Variants in NFIL3 observed in about 807,000 individuals in gnomAD.
The protein encoded by NFIL3 is nuclear factor, interleukin 3 regulated, also known as nuclear factor interleukin-3-regulated protein.
Under a neutral mutation model 10.0 loss-of-function variants are expected in NFIL3, and 5 were observed. That is an observed-to-expected ratio of 0.50 (90% CI 0.26 to 1.06). NFIL3 has a LOEUF of 1.06. Among genes scored for constraint, NFIL3 ranks in the 50% least tolerant of loss-of-function variants. NFIL3 has a pLI of 0.13. For synonymous variants in NFIL3, 202 were observed against 206.5 expected, an observed-to-expected ratio of 0.98 and a Z score of 0.19; for missense variants, 436 against 547.6, an observed-to-expected ratio of 0.80 and a Z score of 2.03.
intron 1 of NFIL3, among the ~76,000 whole-genome samples, chr9:91,416,784 A>T (rs1048428334): frequency 5.3e-5 from 8 of 152,260 alleles, no homozygotes; most frequent in Non-Finnish European, 8.8e-5. Context: ...AGCAAGAATT[A>T]TATTTCATAA....
At chr9:91,481,466 T>C in the NFIL3 span, among the ~76,000 whole-genome samples, 3 of 152,186 alleles carry the variant, frequency 2.0e-5, no homozygotes, top group Non-Finnish European at 4.4e-5. Context: ...TAGTATTGTA[T>C]ACAATCATAG....
the NFIL3 span, among the ~76,000 whole-genome samples, chr9:91,480,939 G>A: frequency 6.6e-6 from 1 of 152,164 alleles, no homozygotes; most frequent in Non-Finnish European, 1.5e-5. Flanking sequence ...AGCTGACAGC[G>A]GAGCAGGGAA....
intron 1 of NFIL3, among the ~76,000 whole-genome samples, chr9:91,418,062 C>G (rs1833690901): frequency 6.6e-6 from 1 of 152,058 alleles, no homozygotes; most frequent in Admixed American, 6.6e-5. Flanking sequence ...AATAGTATAA[C>G]TTAACATTCT....
At chr9:91,446,103 C>T in the NFIL3 span, among the ~76,000 whole-genome samples, 4 of 152,238 alleles carry the variant, frequency 2.6e-5, no homozygotes, top group South Asian at 6.2e-4. Flanking sequence ...GGGGAGCTCC[C>T]TTAACTAGGA....
intron 1 of NFIL3, among the ~76,000 whole-genome samples, chr9:91,420,575 A>C (rs1010557981): frequency 6.6e-5 from 10 of 152,136 alleles, no homozygotes. Context: ...CGCTCTTAGG[A>C]TCTGTACCTC....
chr9:91,479,133 C>A, the NFIL3 span, among the ~76,000 whole-genome samples: 1 of 152,230 alleles, frequency 6.6e-6, no homozygotes, highest in Admixed American at 6.5e-5. Context: ...CAGGGGCCCA[C>A]TTGAGGAGGC....
the NFIL3 span, among the ~76,000 whole-genome samples, chr9:91,435,664 A>T: frequency 9.8e-5 from 15 of 152,310 alleles, 1 homozygote; most frequent in African/African-American, 3.4e-4. Context: ...AGTGAGGACT[A>T]TGATTTTGCC....
At chr9:91,433,680 A>G in the NFIL3 span, among the ~76,000 whole-genome samples, 1 of 148,278 alleles carries the variant, frequency 6.7e-6, no homozygotes, top group Non-Finnish European at 1.5e-5. Flanking sequence ...AACATGAGAA[A>G]CACAAACCTC....
intron 1 of NFIL3, among the ~76,000 whole-genome samples, chr9:91,412,840 G>A (rs548759319): frequency 1.6e-4 from 24 of 145,542 alleles, no homozygotes; most frequent in South Asian, 6.5e-4. Context: ...GGACAAGAGC[G>A]AGACTTCGTC....
chr9:91,473,747 C>A, the NFIL3 span, among the ~76,000 whole-genome samples: 3 of 152,210 alleles, frequency 2.0e-5, no homozygotes, highest in Admixed American at 6.5e-5. Flanking sequence ...TGAGATGAAC[C>A]AGGTACCTCA....
At position 91,410,228 on chromosome 9, in the gene NFIL3, C is replaced by CGAG; in HGVS notation, c.504_506dup (p.Ser169dup). ...CAGAAATACAACTACTTGACACCAT[C>CGAG]GAGGGTTCGTGCTCGTCCACAAATG... On this transcript the variant is annotated inframe_insertion, in exon 2 of 2. Transcript: ENST00000297689. The surrounding 1 kb of genome is among the most constrained non-coding windows in gnomAD (Gnocchi z 5.7). 1 of 1,614,042 alleles carries CGAG rather than the reference C, an allele frequency of 6.2e-7. No individual in the cohort carries two copies. Among genetic ancestry groups the CGAG allele is most frequent in the Non-Finnish European group, 8.5e-7 (1 of 1,179,980 alleles).
At chr9:91,414,083 C>T (rs1315427058) in intron 1 of NFIL3, among the ~76,000 whole-genome samples, 1 of 152,186 alleles carries the variant, frequency 6.6e-6, no homozygotes, top group Non-Finnish European at 1.5e-5. Context: ...TTCTATTTAA[C>T]TGAAATAGCC....
chr9:91,459,957 C>T, the NFIL3 span, among the ~76,000 whole-genome samples: 1 of 152,034 alleles, frequency 6.6e-6, no homozygotes, highest in Non-Finnish European at 1.5e-5. Context: ...CCTCTTCATC[C>T]AGAATCTGGG....
At chr9:91,432,190 A>C in the NFIL3 span, among the ~76,000 whole-genome samples, 2 of 152,194 alleles carry the variant, frequency 1.3e-5, no homozygotes, top group African/African-American at 4.8e-5. Context: ...CATGAGTGAC[A>C]GGAGATGGGA....
chr9:91,419,685 G>A (rs185229745), intron 1 of NFIL3, among the ~76,000 whole-genome samples: 11 of 152,300 alleles, frequency 7.2e-5, no homozygotes, highest in African/African-American at 2.6e-4. Context: ...TCAACACTGT[G>A]CCTGGCACAT....
the NFIL3 span, among the ~76,000 whole-genome samples, chr9:91,461,637 G>A: frequency 3.9e-5 from 6 of 152,288 alleles, no homozygotes; most frequent in East Asian, 1.9e-4. Context: ...TTATGGCCGC[G>A]TCTCTCCAAT....
the NFIL3 span, among the ~76,000 whole-genome samples, chr9:91,458,252 G>A: frequency 6.6e-6 from 1 of 152,082 alleles, no homozygotes; most frequent in Non-Finnish European, 1.5e-5. Flanking sequence ...GAACTCACCA[G>A]TGAAGTTATT....
the NFIL3 span, among the ~76,000 whole-genome samples, chr9:91,446,261 C>A: frequency 8.3e-4 from 126 of 152,258 alleles, 2 homozygotes; most frequent in Non-Finnish European, 1.3e-4. Context: ...ACTGGGCGAC[C>A]AGTTGGTGGA....
At chr9:91,430,972 A>G in the NFIL3 span, among the ~76,000 whole-genome samples, 2 of 152,208 alleles carry the variant, frequency 1.3e-5, no homozygotes, top group Non-Finnish European at 2.9e-5. Flanking sequence ...ATCATGCCTC[A>G]AAAGAGTACC....
Sources: gnomAD v4.1 joint callset for allele counts (sites outside exome capture counted in the v4.1 genomes callset) on GRCh38, gnomAD v4.1.1 for gene constraint, Gnocchi (gnomAD v3.1) non-coding constraint, MANE v1.5 for transcripts, NCBI Gene and HGNC (gene_info 2026-07-23, HGNC 2026-07-21) for gene names.